Variants in LTBP1 observed in about 807,000 individuals in gnomAD.
LTBP1 encodes the protein latent-transforming growth factor beta-binding protein 1.
Under a neutral mutation model 207.6 loss-of-function variants are expected in LTBP1, and 129 were observed. The observed-to-expected ratio is 0.62, with a 90% CI of 0.54 to 0.72. The LOEUF is 0.72. Ranked by LOEUF, LTBP1 falls within the 30% of genes least tolerant of loss-of-function variation. LTBP1 has a pLI of 0.00. For missense variants in LTBP1, 2,281 were observed against 2,217.2 expected, an observed-to-expected ratio of 1.03 and a Z score of -0.58; for synonymous variants, 963 against 833.7, an observed-to-expected ratio of 1.16 and a Z score of -2.67.
chr2:32,997,181 G>C (rs1327499508), intron 2 of LTBP1, among the ~76,000 whole-genome samples: 1 of 152,026 alleles, frequency 6.6e-6, no homozygotes, highest in South Asian at 2.1e-4. Flanking sequence ...TACTGCACCC[G>C]GCCTGGATGG....
chr2:33,168,731 C>G (rs919410115), intron 5 of LTBP1, among the ~76,000 whole-genome samples: 1 of 151,936 alleles, frequency 6.6e-6, no homozygotes, highest in African/African-American at 2.4e-5. Context: ...TAAGGGTTTT[C>G]CAGTTGAGGT....
At chr2:33,190,346 G>A (rs1013108647) in intron 7 of LTBP1, among the ~76,000 whole-genome samples, 1 of 152,124 alleles carries the variant, frequency 6.6e-6, no homozygotes, top group African/African-American at 2.4e-5. Flanking sequence ...TATCGTGTGT[G>A]TGTGTATATG....
At chr2:33,266,890 C>G (rs188618151) in intron 15 of LTBP1, among the ~76,000 whole-genome samples, 1 of 152,134 alleles carries the variant, frequency 6.6e-6, no homozygotes, top group East Asian at 1.9e-4. Context: ...ATGACACAAA[C>G]GGGGCTGAAA....
chr2:33,021,005 T>G lies in LTBP1; in HGVS notation c.662T>G (p.Ile221Arg). 1 of 1,613,918 alleles carries G rather than the reference T, an allele frequency of 6.2e-7. No homozygotes were observed. Among genetic ancestry groups the G allele is most frequent in the Non-Finnish European group, 8.5e-7 (1 of 1,179,854 alleles). Residue 221 changes from isoleucine (I) to arginine (R), a missense_variant, in exon 3 of 34, where the codon ATA becomes AGA. This residue lies in a region of LTBP1 where 555 missense variants were observed against 491.0 expected (regional missense o/e 1.13). Transcript: ENST00000404816. ...PGTKGKACET[I>R]AAQDTSSPVF... ...ACCAAGGGCAAAGCCTGTGAAACAA[T>G]AGCTGCCCAGGACACCTCGTCACCA...
chr2:33,334,781 T>C (rs138756591), intron 24 of LTBP1, among the ~76,000 whole-genome samples: 5 of 151,924 alleles, frequency 3.3e-5, no homozygotes, highest in Non-Finnish European at 5.9e-5. Flanking sequence ...TACAGAATAA[T>C]TTAAGTAGGC....
At chr2:33,203,841 A>AT (rs2089591849) in intron 7 of LTBP1, among the ~76,000 whole-genome samples, 1 of 152,162 alleles carries the variant, frequency 6.6e-6, no homozygotes, top group Admixed American at 6.5e-5. Flanking sequence ...AAGTGGTAAG[A>AT]TTTTATGGTC....
chr2:33,152,326 C>T (rs114401551), intron 5 of LTBP1, among the ~76,000 whole-genome samples: 2,282 of 152,278 alleles, frequency 0.015, 22 homozygotes, highest in East Asian at 0.027. Context: ...TACTCAGCAT[C>T]ACTAATGATC....
At chr2:33,324,698 T>C (rs1233110264) in intron 24 of LTBP1, among the ~76,000 whole-genome samples, 1 of 142,146 alleles carries the variant, frequency 7.0e-6, no homozygotes, top group Non-Finnish European at 1.5e-5. Context: ...CTGTATTCTA[T>C]CTTTTTTTTT....
chr2:33,112,275 C>A (rs890388762), intron 4 of LTBP1, among the ~76,000 whole-genome samples: 11 of 152,118 alleles, frequency 7.2e-5, no homozygotes, highest in African/African-American at 2.7e-4. Flanking sequence ...ATGAAAATTC[C>A]CACTGTGTGT....
At chr2:33,217,241 C>T (rs142020526) in intron 7 of LTBP1, among the ~76,000 whole-genome samples, 41 of 152,300 alleles carry the variant, frequency 2.7e-4, no homozygotes, top group African/African-American at 9.4e-4. Context: ...TGATCTTACA[C>T]ACTATGAGGC....
chr2:33,390,899 G>A (rs563004612), intron 32 of LTBP1, among the ~76,000 whole-genome samples: 6 of 152,238 alleles, frequency 3.9e-5, no homozygotes, highest in East Asian at 1.9e-4. Flanking sequence ...ACCTGTGCAC[G>A]AAGCGTCCTA....
rs114387515 is a variant in LTBP1, at chr2:33,181,022, C to G, written c.1202-5834C>G. On this transcript the variant is annotated intron_variant, in intron 5 of 33. Coordinates refer to ENST00000404816, the MANE Select transcript of LTBP1 (RefSeq NM_206943.4). ...TGTCTGTTCTGCAAAAGGACAGATA[C>G]GGGTTTTCCTTCAGATGGAGGTTTG... Among the ~76,000 whole-genome samples, 492 of 152,210 alleles carry G rather than the reference C, an allele frequency of 3.2e-3. 2 individuals carry two copies. Among genetic ancestry groups the G allele is most frequent in the Non-Finnish European group, 5.3e-3 (359 of 68,004 alleles).
intron 22 of LTBP1, among the ~76,000 whole-genome samples, chr2:33,306,918 T>C (rs924774567): frequency 6.6e-6 from 1 of 151,920 alleles, no homozygotes; most frequent in African/African-American, 2.4e-5. Context: ...TGAAACCCCG[T>C]CTCTACTAAA....
intron 3 of LTBP1, among the ~76,000 whole-genome samples, chr2:33,064,991 G>A (rs1370743162): frequency 2.6e-5 from 4 of 152,102 alleles, no homozygotes; most frequent in African/African-American, 9.7e-5. Flanking sequence ...AGGTTTTAGG[G>A]TGAAAGTATG....
At chr2:33,251,009 G>A (rs1280683498) in intron 10 of LTBP1, among the ~76,000 whole-genome samples, 1 of 152,154 alleles carries the variant, frequency 6.6e-6, no homozygotes, top group African/African-American at 2.4e-5. Flanking sequence ...TGCTATCACT[G>A]CTGGCACCTA....
At chr2:33,197,698 G>A (rs566307379) in intron 7 of LTBP1, among the ~76,000 whole-genome samples, 202 of 152,292 alleles carry the variant, frequency 1.3e-3, no homozygotes, top group Admixed American at 2.8e-3. Flanking sequence ...AAACAAACAT[G>A]TAGTGACCTA....
intron 3 of LTBP1, among the ~76,000 whole-genome samples, chr2:33,085,442 G>A (rs2078693376): frequency 6.6e-6 from 1 of 152,200 alleles, no homozygotes; most frequent in Non-Finnish European, 1.5e-5. Flanking sequence ...GTTTCCAGAA[G>A]TAGAATTTTG....
intron 14 of LTBP1, 85 bp downstream of exon 14, chr2:33,262,906 G>A (rs878983999): frequency 2.3e-6 from 2 of 851,768 alleles, no homozygotes; most frequent in Non-Finnish European, 3.8e-6. Context: ...ACTTTGTGTA[G>A]TAAATTACTA....
At chr2:33,180,749 C>G (rs1485145560) in intron 5 of LTBP1, among the ~76,000 whole-genome samples, 1 of 152,100 alleles carries the variant, frequency 6.6e-6, no homozygotes, top group South Asian at 2.1e-4. Context: ...AGTCACCGTG[C>G]CCAGCCTAAG....
Sources: gnomAD v4.1 joint callset for allele counts (sites outside exome capture counted in the v4.1 genomes callset) on GRCh38, gnomAD v4.1.1 for gene constraint, gnomAD v4.1.1 regional missense constraint, MANE v1.5 for transcripts, NCBI Gene and HGNC (gene_info 2026-07-23, HGNC 2026-07-21) for gene names.